Variants in GPC5 observed in about 807,000 individuals in gnomAD.
GPC5 encodes the protein glypican-5.
In GPC5, 47 loss-of-function variants were observed where a neutral mutation model predicts 53.9. The ratio of observed to expected loss-of-function variants is 0.87; its 90% CI spans 0.69 to 1.11. The LOEUF is 1.11. GPC5 is among the 50% of genes most tolerant of loss of function. The probability of loss-of-function intolerance (pLI) is 0.00; values close to 1 mark genes in which losing one functional copy is unlikely to be tolerated. For synonymous variants in GPC5, 286 were observed against 263.3 expected (o/e 1.09, Z -0.84); for missense variants, 748 against 713.1 (o/e 1.05, Z -0.56).
chr13:92,603,552 C>G (rs1259924509), intron 7 of GPC5, among the ~76,000 whole-genome samples: 1 of 152,072 alleles, frequency 6.6e-6, no homozygotes, highest in South Asian at 2.1e-4. Flanking sequence ...GAGATTGCAC[C>G]TACGAGGCAC....
At chr13:91,494,208 T>C (rs1401846495) in intron 2 of GPC5, among the ~76,000 whole-genome samples, 1 of 151,872 alleles carries the variant, frequency 6.6e-6, no homozygotes, top group Non-Finnish European at 1.5e-5. Flanking sequence ...TTTCTGTTGT[T>C]ATGAATGACC....
intron 7 of GPC5, among the ~76,000 whole-genome samples, chr13:92,482,631 A>G (rs1430549107): frequency 6.6e-6 from 1 of 152,152 alleles, no homozygotes; most frequent in Non-Finnish European, 1.5e-5. Context: ...ACCAATTTGA[A>G]TGAATACTTG....
At chr13:91,853,387 AT>A (rs1396522653) in intron 5 of GPC5, among the ~76,000 whole-genome samples, 1 of 151,894 alleles carries the variant, frequency 6.6e-6, no homozygotes, top group Non-Finnish European at 1.5e-5. Flanking sequence ...CAGAAGGGTA[AT>A]TTTTTTAAAG....
intron 5 of GPC5, among the ~76,000 whole-genome samples, chr13:91,804,856 A>G (rs1179401785): frequency 6.6e-6 from 1 of 152,240 alleles, no homozygotes; most frequent in Non-Finnish European, 1.5e-5. Flanking sequence ...AGGCTCAGGC[A>G]GCTGAAGGGA....
intron 7 of GPC5, among the ~76,000 whole-genome samples, chr13:92,314,024 A>G (rs951481671): frequency 1.3e-5 from 2 of 152,218 alleles, no homozygotes; most frequent in East Asian, 3.9e-4. Context: ...CACTAATTGC[A>G]TTACAATTGC....
At chr13:92,693,338 T>C (rs1185977870) in intron 7 of GPC5, among the ~76,000 whole-genome samples, 1 of 152,118 alleles carries the variant, frequency 6.6e-6, no homozygotes, top group East Asian at 1.9e-4. Flanking sequence ...AGAAGGCTCA[T>C]AATAAGATAG....
intron 4 of GPC5, among the ~76,000 whole-genome samples, chr13:91,747,309 G>A (rs1010842916): frequency 2.0e-5 from 3 of 152,128 alleles, no homozygotes; most frequent in Admixed American, 6.6e-5. Flanking sequence ...TTTGTACCAC[G>A]TGATGTATCA....
intron 7 of GPC5, among the ~76,000 whole-genome samples, chr13:92,822,681 C>T (rs999738142): frequency 2.6e-5 from 4 of 151,992 alleles, no homozygotes; most frequent in African/African-American, 7.2e-5. Context: ...TTTCCCAAGG[C>T]AATAGCATCA....
chr13:92,702,571 A>G (rs1005314349), intron 7 of GPC5, among the ~76,000 whole-genome samples: 1 of 151,990 alleles, frequency 6.6e-6, no homozygotes. Flanking sequence ...TCTATCTCAA[A>G]ATGTTTCCAG....
chr13:91,769,165 G>A (rs777540527), intron 5 of GPC5, among the ~76,000 whole-genome samples: 1 of 152,214 alleles, frequency 6.6e-6, no homozygotes, highest in Non-Finnish European at 1.5e-5. Flanking sequence ...GAGTCCAAAG[G>A]TGGTCTGAAG....
intron 7 of GPC5, among the ~76,000 whole-genome samples, chr13:92,255,840 C>T (rs1438715075): frequency 6.6e-6 from 1 of 152,012 alleles, no homozygotes; most frequent in Non-Finnish European, 1.5e-5. Context: ...TATGTTGTCT[C>T]CAGTCCTATT....
intron 7 of GPC5, among the ~76,000 whole-genome samples, chr13:92,215,594 C>T (rs962638626): frequency 1.3e-5 from 2 of 152,098 alleles, no homozygotes; most frequent in Admixed American, 6.5e-5. Context: ...ACAAAATGGG[C>T]ACAGGTGTTT....
chr13:92,828,029 T>C (rs1311357367), intron 7 of GPC5, among the ~76,000 whole-genome samples: 2 of 152,034 alleles, frequency 1.3e-5, no homozygotes, highest in Non-Finnish European at 2.9e-5. Context: ...TCCAACCAAA[T>C]AGGCAAAGCA....
chr13:92,306,850 G>A (rs1239396792), intron 7 of GPC5, among the ~76,000 whole-genome samples: 2 of 152,138 alleles, frequency 1.3e-5, no homozygotes, highest in Admixed American at 6.5e-5. Context: ...GGCAAATTAC[G>A]TTGCATAGGC....
intron 6 of GPC5, among the ~76,000 whole-genome samples, chr13:91,982,198 G>GACTT: frequency 6.6e-6 from 1 of 152,292 alleles, no homozygotes; most frequent in African/African-American, 2.4e-5. Context: ...ACTGTTATAA[G>GACTT]GGACTACTGA....
chr13:92,096,168 C>T (rs374563404), intron 6 of GPC5, among the ~76,000 whole-genome samples: 9 of 152,326 alleles, frequency 5.9e-5, no homozygotes, highest in East Asian at 5.8e-4. Flanking sequence ...GTATCAATGA[C>T]ATACAGCTTT....
intron 7 of GPC5, among the ~76,000 whole-genome samples, chr13:92,812,316 A>C (rs1877326013): frequency 6.6e-6 from 1 of 151,862 alleles, no homozygotes; most frequent in South Asian, 2.1e-4. Context: ...ACTTTTTCTA[A>C]ATATTTTATT....
At chr13:92,467,845 T>C (rs1878758252) in intron 7 of GPC5, among the ~76,000 whole-genome samples, 1 of 152,114 alleles carries the variant, frequency 6.6e-6, no homozygotes. Context: ...AGTTTAAATG[T>C]CTCTCTAATG....
At chr13:92,437,136 G>T (rs1877337712) in intron 7 of GPC5, among the ~76,000 whole-genome samples, 1 of 151,466 alleles carries the variant, frequency 6.6e-6, no homozygotes, top group Non-Finnish European at 1.5e-5. Context: ...ATAGATTTAA[G>T]AGTTGCCTCT....
Sources: gnomAD v4.1 joint callset for allele counts (sites outside exome capture counted in the v4.1 genomes callset) on GRCh38, gnomAD v4.1.1 for gene constraint, MANE v1.5 for transcripts, NCBI Gene and HGNC (gene_info 2026-07-23, HGNC 2026-07-21) for gene names.